CPNE4: variants seen among roughly 807,000 people sequenced by gnomAD.
The protein encoded by CPNE4 is copine-4.
In CPNE4, 25 loss-of-function variants were observed where a neutral mutation model predicts 67.9. The ratio of observed to expected loss-of-function variants is 0.37; its 90% CI spans 0.27 to 0.51. The LOEUF (loss-of-function observed/expected upper bound fraction) is 0.51, where lower values mean the gene tolerates loss of function less well. Ranked by LOEUF, CPNE4 falls within the 20% of genes least tolerant of loss-of-function variation. The pLI is 0.93. For synonymous variants in CPNE4, 242 were observed against 244.9 expected, an observed-to-expected ratio of 0.99 and a Z score of 0.11; for missense variants, 464 against 690.8, an observed-to-expected ratio of 0.67 and a Z score of 3.68.
intron 2 of CPNE4, among the ~76,000 whole-genome samples, chr3:131,832,156 C>T (rs1360250913): frequency 1.3e-5 from 2 of 152,020 alleles, no homozygotes; most frequent in Non-Finnish European, 2.9e-5. Flanking sequence ...GCTTTAGAGG[C>T]GTTTGTTATA....
intron 3 of CPNE4, among the ~76,000 whole-genome samples, chr3:131,713,172 C>G (rs2081600683): frequency 6.6e-6 from 1 of 152,074 alleles, no homozygotes; most frequent in African/African-American, 2.4e-5. Flanking sequence ...AATTGTCATC[C>G]AGCTCCAAAG....
At chr3:131,662,944 C>T (rs537632528) in intron 7 of CPNE4, among the ~76,000 whole-genome samples, 1 of 152,156 alleles carries the variant, frequency 6.6e-6, no homozygotes, top group Admixed American at 6.5e-5. Context: ...CCATTTGACC[C>T]AGCAATCCTG....
intron 7 of CPNE4, among the ~76,000 whole-genome samples, chr3:131,596,173 T>A (rs1938838697): frequency 6.6e-6 from 1 of 152,140 alleles, no homozygotes; most frequent in African/African-American, 2.4e-5. Context: ...AATAAATAAG[T>A]AAATTGATGC....
intron 6 of CPNE4, among the ~76,000 whole-genome samples, chr3:131,680,952 A>G (rs2107672958): frequency 6.6e-6 from 1 of 152,364 alleles, no homozygotes; most frequent in Middle Eastern, 3.4e-3. Flanking sequence ...TTCACTTAGA[A>G]TAATAATCTC....
At chr3:131,876,758 GA>G (rs1227248902) in intron 2 of CPNE4, among the ~76,000 whole-genome samples, 1 of 152,016 alleles carries the variant, frequency 6.6e-6, no homozygotes, top group Admixed American at 6.6e-5. Flanking sequence ...TGTAGTAACT[GA>G]CAAAAGGTGG....
chr3:131,683,413 TGTC>T (rs1357721235), intron 6 of CPNE4, among the ~76,000 whole-genome samples: 1 of 152,160 alleles, frequency 6.6e-6, no homozygotes, highest in Non-Finnish European at 1.5e-5. Flanking sequence ...TGTCTAGAAA[TGTC>T]GTCTCGGAGC....
intron 2 of CPNE4, among the ~76,000 whole-genome samples, chr3:131,839,165 G>A (rs2085676307): frequency 6.6e-6 from 1 of 151,764 alleles, no homozygotes. Context: ...GTGCAATGCT[G>A]CCCTCCATAT....
chr3:131,925,222 C>G (rs551025963), intron 1 of CPNE4, among the ~76,000 whole-genome samples: 9 of 151,566 alleles, frequency 5.9e-5, no homozygotes, highest in African/African-American at 2.2e-4. Flanking sequence ...CCTTCTCTTC[C>G]CCCTTGCACT....
At chr3:131,629,317 T>G (rs150765451) in intron 7 of CPNE4, among the ~76,000 whole-genome samples, 103 of 152,258 alleles carry the variant, frequency 6.8e-4, no homozygotes, top group African/African-American at 2.3e-3. Context: ...AGCAAAAAGA[T>G]TATGACTCAC....
chr3:132,002,608 C>T (rs776226506), intron 1 of CPNE4, among the ~76,000 whole-genome samples: 11 of 152,082 alleles, frequency 7.2e-5, no homozygotes, highest in South Asian at 2.1e-4. Flanking sequence ...GAAAATATGA[C>T]GCAGGATTTA....
At chr3:131,896,244 T>C (rs988741983) in intron 2 of CPNE4, among the ~76,000 whole-genome samples, 2 of 152,030 alleles carry the variant, frequency 1.3e-5, no homozygotes, top group Non-Finnish European at 2.9e-5. Context: ...TTTGATAATA[T>C]ACATATATAT....
chr3:131,935,012 T>A (rs918842656), intron 1 of CPNE4, among the ~76,000 whole-genome samples: 5 of 152,276 alleles, frequency 3.3e-5, no homozygotes, highest in Non-Finnish European at 5.9e-5. Context: ...TTTAGGAGGA[T>A]GTAAAATATT....
chr3:131,551,211 A>G (rs1559882668), intron 13 of CPNE4, among the ~76,000 whole-genome samples: 1 of 152,052 alleles, frequency 6.6e-6, no homozygotes, highest in South Asian at 2.1e-4. Flanking sequence ...CTGCCCTTAC[A>G]TACATGCTCC....
chr3:131,637,799 A>T (rs531862281), intron 7 of CPNE4, among the ~76,000 whole-genome samples: 1 of 152,184 alleles, frequency 6.6e-6, no homozygotes, highest in Non-Finnish European at 1.5e-5. Context: ...GCATCAGGTA[A>T]CCTATAAAGG....
intron 2 of CPNE4, among the ~76,000 whole-genome samples, chr3:131,763,717 G>C (rs2082945458): frequency 1.3e-5 from 2 of 151,846 alleles, no homozygotes; most frequent in South Asian, 4.1e-4. Flanking sequence ...CACTGTGTAG[G>C]GGATATATTT....
intron 11 of CPNE4, among the ~76,000 whole-genome samples, chr3:131,559,224 T>C (rs184956078): frequency 1.8e-3 from 273 of 152,158 alleles, no homozygotes; most frequent in African/African-American, 6.4e-3. Flanking sequence ...TATGTAATTT[T>C]TTTTGGTATA....
intron 2 of CPNE4, among the ~76,000 whole-genome samples, chr3:131,877,522 T>C (rs1461991463): frequency 1.3e-5 from 2 of 152,194 alleles, no homozygotes; most frequent in Non-Finnish European, 2.9e-5. Context: ...GGATGCAATG[T>C]TGATTGCTAT....
intron 7 of CPNE4, among the ~76,000 whole-genome samples, chr3:131,627,558 G>T (rs747883292): frequency 2.6e-5 from 4 of 152,168 alleles, no homozygotes; most frequent in Admixed American, 2.0e-4. Flanking sequence ...AGGCATACCT[G>T]CTATAGATAG....
At chr3:131,902,438 A>G (rs1160277817) in intron 2 of CPNE4, among the ~76,000 whole-genome samples, 2 of 152,096 alleles carry the variant, frequency 1.3e-5, no homozygotes, top group African/African-American at 2.4e-5. Context: ...AACTCATCCA[A>G]AAAGAAGGGA....
Sources: gnomAD v4.1 joint callset for allele counts (sites outside exome capture counted in the v4.1 genomes callset) on GRCh38, gnomAD v4.1.1 for gene constraint, MANE v1.5 for transcripts, NCBI Gene and HGNC (gene_info 2026-07-23, HGNC 2026-07-21) for gene names.